The following PPP2R5E variants were observed in gnomAD, a reference collection of about 807,000 sequenced individuals.
PPP2R5E encodes serine/threonine-protein phosphatase 2A 56 kDa regulatory subunit epsilon isoform.
In PPP2R5E, 4 loss-of-function variants were observed where a neutral mutation model predicts 65.3. That is an observed-to-expected ratio of 0.06 (90% CI 0.03 to 0.14). The LOEUF (loss-of-function observed/expected upper bound fraction) is 0.14, where lower values mean the gene tolerates loss of function less well. PPP2R5E is among the 10% of genes least tolerant of loss of function. The pLI, the probability that PPP2R5E is intolerant of heterozygous loss-of-function variation, is 1.00. For synonymous variants in PPP2R5E, 183 were observed against 187.4 expected (o/e 0.98, Z 0.19); for missense variants, 274 against 556.1 (o/e 0.49, Z 5.10).
chr14:63,517,043 A>G (rs1892696010), intron 2 of PPP2R5E, among the ~76,000 whole-genome samples: 1 of 152,206 alleles, frequency 6.6e-6, no homozygotes, highest in African/African-American at 2.4e-5. Flanking sequence ...ATCCACTTGA[A>G]ACCCAAGTCT....
intron 2 of PPP2R5E, among the ~76,000 whole-genome samples, chr14:63,468,476 A>T (rs1007749045): frequency 9.9e-5 from 15 of 152,220 alleles, no homozygotes; most frequent in Non-Finnish European, 4.4e-5. Flanking sequence ...CTATCAGTAC[A>T]TGCATCAGCA....
At chr14:63,463,826 G>A (rs1889632736) in intron 2 of PPP2R5E, among the ~76,000 whole-genome samples, 1 of 151,872 alleles carries the variant, frequency 6.6e-6, no homozygotes, top group Non-Finnish European at 1.5e-5. Flanking sequence ...TGGATCTCCT[G>A]ACCTCGTGAT....
At chr14:63,396,471 G>A in intron 6 of PPP2R5E, 115 bp downstream of exon 6, 1 of 1,357,302 alleles carries the variant, frequency 7.4e-7, no homozygotes, top group Admixed American at 2.1e-5. Context: ...AAGGAAGGCA[G>A]GCAGAAAGGG....
chr14:63,489,065 G>A (rs766692550), intron 2 of PPP2R5E, among the ~76,000 whole-genome samples: 39 of 152,112 alleles, frequency 2.6e-4, no homozygotes, highest in Admixed American at 1.8e-3. Context: ...GATGGTTAAC[G>A]ACAGAACCAG....
chr14:63,479,649 C>T (rs1277893665), intron 2 of PPP2R5E, among the ~76,000 whole-genome samples: 3 of 152,146 alleles, frequency 2.0e-5, no homozygotes, highest in Non-Finnish European at 2.9e-5. Context: ...TAACACCATA[C>T]TGACAACAAA....
intron 3 of PPP2R5E, among the ~76,000 whole-genome samples, chr14:63,437,092 G>A (rs1164052793): frequency 2.6e-5 from 4 of 152,100 alleles, no homozygotes; most frequent in South Asian, 2.1e-4. Flanking sequence ...CGTCCTCACC[G>A]CTACACCATG....
chr14:63,486,506 G>T (rs1014294436), intron 2 of PPP2R5E, among the ~76,000 whole-genome samples: 1 of 151,632 alleles, frequency 6.6e-6, no homozygotes, highest in African/African-American at 2.4e-5. Flanking sequence ...TTCTTACTTT[G>T]AAATGTATAC....
chr14:63,430,953 T>C (rs1211431265), intron 3 of PPP2R5E, among the ~76,000 whole-genome samples: 1 of 152,128 alleles, frequency 6.6e-6, no homozygotes, highest in East Asian at 1.9e-4. Flanking sequence ...TAAGAAACCA[T>C]TCAAATCTGT....
intron 13 of PPP2R5E, among the ~76,000 whole-genome samples, chr14:63,381,129 A>C (rs1884329914): frequency 6.6e-6 from 1 of 152,218 alleles, no homozygotes; most frequent in African/African-American, 2.4e-5. Flanking sequence ...CCCCAAGTAC[A>C]TCTTTTGGAA....
At chr14:63,479,001 C>T (rs1335742079) in intron 2 of PPP2R5E, among the ~76,000 whole-genome samples, 5 of 151,902 alleles carry the variant, frequency 3.3e-5, no homozygotes, top group African/African-American at 1.2e-4. Flanking sequence ...TGGTGGTGGA[C>T]GCCTGTAGTC....
At chr14:63,461,993 A>G (rs577140356) in intron 2 of PPP2R5E, among the ~76,000 whole-genome samples, 12 of 151,970 alleles carry the variant, frequency 7.9e-5, no homozygotes, top group African/African-American at 2.9e-4. Flanking sequence ...TCTGAGCCAT[A>G]TTATTCCTTT....
chr14:63,533,723 G>C lies in PPP2R5E; in HGVS notation c.157+5806C>G, dbSNP rs187012776. On this transcript the variant is annotated intron_variant, in intron 2 of 13. Transcript: ENST00000337537. ...CTTTGGGAGGCCTAGGCAGGCGGAC[G>C]CACCTGTGGTCAGGAGTTCGAGACC... 2.0e-3 allele frequency among the ~76,000 whole-genome samples: 307 copies of C among 151,944 alleles called. 2 individuals carry two copies. The highest frequency in any genetic ancestry group is 1.7e-3 in the Non-Finnish European group (118 of 67,940).
chr14:63,455,851 G>T (rs1889098165), intron 2 of PPP2R5E, among the ~76,000 whole-genome samples: 1 of 151,618 alleles, frequency 6.6e-6, no homozygotes, highest in African/African-American at 2.4e-5. Context: ...TTTAGTTTGA[G>T]ATGAAGTCTT....
intron 2 of PPP2R5E, among the ~76,000 whole-genome samples, chr14:63,525,179 C>T (rs572937782): frequency 2.4e-4 from 36 of 152,358 alleles, no homozygotes; most frequent in Admixed American, 3.9e-4. Flanking sequence ...GACATCTCTT[C>T]TTAACTGATT....
At chr14:63,520,417 A>G (rs1172781446) in intron 2 of PPP2R5E, among the ~76,000 whole-genome samples, 1 of 152,118 alleles carries the variant, frequency 6.6e-6, no homozygotes, top group Non-Finnish European at 1.5e-5. Context: ...CTGAATGGCC[A>G]CCCTATTTCT....
chr14:63,522,086 GGCAC>G (rs1399252578), intron 2 of PPP2R5E, among the ~76,000 whole-genome samples: 3 of 150,178 alleles, frequency 2.0e-5, no homozygotes, highest in African/African-American at 7.3e-5. Flanking sequence ...TGCGATTGCA[GGCAC>G]GCGCCGCCAC....
intron 2 of PPP2R5E, among the ~76,000 whole-genome samples, chr14:63,454,912 T>C (rs920542582): frequency 5.9e-5 from 9 of 152,168 alleles, no homozygotes; most frequent in Non-Finnish European, 1.3e-4. Flanking sequence ...TCTCCATTTT[T>C]CACACACACA....
chr14:63,455,250 C>G (rs886407432), intron 2 of PPP2R5E, among the ~76,000 whole-genome samples: 6 of 152,158 alleles, frequency 3.9e-5, no homozygotes, highest in Middle Eastern at 3.2e-3. Flanking sequence ...CCACCTTACA[C>G]CCCACAACCC....
At chr14:63,453,554 C>T in intron 3 of PPP2R5E, 135 bp downstream of exon 3, 1 of 765,714 alleles carries the variant, frequency 1.3e-6, no homozygotes, top group Non-Finnish European at 2.0e-6. Context: ...GTGCCGACTA[C>T]ATTTGCTTAG....
Sources: gnomAD v4.1 joint callset for allele counts (sites outside exome capture counted in the v4.1 genomes callset) on GRCh38, gnomAD v4.1.1 for gene constraint, MANE v1.5 for transcripts, NCBI Gene and HGNC (gene_info 2026-07-23, HGNC 2026-07-21) for gene names.